Variants in INPP5D observed in about 807,000 individuals in gnomAD.
INPP5D encodes inositol polyphosphate-5-phosphatase D.
A neutral mutation model predicts 122.9 loss-of-function variants in INPP5D; 33 were observed. The observed-to-expected ratio is 0.27, with a 90% CI of 0.20 to 0.36. INPP5D has a LOEUF of 0.36. INPP5D is among the 10% of genes least tolerant of loss of function. The pLI is 1.00. For missense variants in INPP5D, 1,053 were observed against 1,412.7 expected, an observed-to-expected ratio of 0.75 and a Z score of 4.08; for synonymous variants, 584 against 576.2, an observed-to-expected ratio of 1.01 and a Z score of -0.19.
chr2:233,102,344 G>A (rs1692337107), intron 2 of INPP5D, among the ~76,000 whole-genome samples: 1 of 152,146 alleles, frequency 6.6e-6, no homozygotes, highest in Non-Finnish European at 1.5e-5. Flanking sequence ...GCCTTTGAAG[G>A]GGTGTTTCCC....
chr2:233,083,283 G>T (rs1280234293), intron 2 of INPP5D, among the ~76,000 whole-genome samples: 4 of 152,158 alleles, frequency 2.6e-5, no homozygotes, highest in Non-Finnish European at 4.4e-5. Flanking sequence ...TGCTGGGAGT[G>T]GTGGGGAAGG....
At chr2:233,152,394 A>G (rs1349945679) in intron 9 of INPP5D, among the ~76,000 whole-genome samples, 21 of 152,164 alleles carry the variant, frequency 1.4e-4, no homozygotes, top group Admixed American at 1.4e-3. Context: ...TAAAATATTC[A>G]TGCTCCGAGC....
chr2:233,156,175 C>T (rs969229844), intron 9 of INPP5D, among the ~76,000 whole-genome samples: 4 of 152,236 alleles, frequency 2.6e-5, no homozygotes, highest in Admixed American at 6.5e-5. Context: ...GGCATAGTTC[C>T]AAGACAGGAG....
In INPP5D at chr2:233,082,830, T is replaced by C. The variant is rs1691725847; in HGVS notation, c.198+3432T>C. On this transcript the variant is annotated intron_variant, in intron 2 of 26. Transcript: ENST00000445964. The surrounding 1 kb of genome is among the most constrained non-coding windows in gnomAD (Gnocchi z 4.7). ...TGAGTGTTGCTGAGAACTGCGGAAG[T>C]TGGAACTCACAGCCAGGCCTCCCGG... is the stretch of plus-strand genomic sequence containing the variant. Among the ~76,000 whole-genome samples the C allele has an allele frequency of 6.6e-6, 1 of 152,208 alleles. No individual in the cohort carries two copies. The highest frequency in any genetic ancestry group is 2.1e-4 in the South Asian group (1 of 4,826).
chr2:233,133,251 AT>A (rs1369965701), intron 5 of INPP5D, among the ~76,000 whole-genome samples: 2 of 152,148 alleles, frequency 1.3e-5, no homozygotes, highest in African/African-American at 4.8e-5. Flanking sequence ...ATTTTAGTAA[AT>A]GTCATGGTAA....
chr2:233,063,896 G>C (rs568994223), intron 1 of INPP5D, among the ~76,000 whole-genome samples: 1 of 152,286 alleles, frequency 6.6e-6, no homozygotes, highest in African/African-American at 2.4e-5. Context: ...GCCTCCAGGG[G>C]ACGTTGGGTA....
chr2:233,181,220 T>G (rs62192879), intron 18 of INPP5D, among the ~76,000 whole-genome samples: 22,070 of 136,920 alleles, frequency 0.16, 1,791 homozygotes, highest in Middle Eastern at 0.22. Flanking sequence ...CTTTTCATGT[T>G]TATTAGCCAT....
chr2:233,133,933 A>T (rs1192076988), intron 5 of INPP5D: 1 of 455,974 alleles, frequency 2.2e-6, no homozygotes, highest in African/African-American at 2.0e-5. Flanking sequence ...GCTCTGGCAC[A>T]TGCGGCTCAA....
At position 233,122,307 on chromosome 2, in the gene INPP5D, T is replaced by TACAA. The variant is rs569330642; in HGVS notation, c.349+50_349+51insACAA. 7.5e-4 allele frequency: 1,185 copies of TACAA among 1,580,384 alleles called. 9 individuals carry two copies. In the African/African-American group the frequency reaches 0.015, roughly 19 times the overall value. On this transcript the variant is annotated intron_variant, in intron 3 of 26. Coordinates refer to ENST00000445964, the MANE Select transcript of INPP5D (RefSeq NM_001017915.3). Reference sequence around the variant, plus strand: ...AGGAGGTACTTTTGGGAACTTGCCCTGCACCCACCTTGAGTGCTTGTAGAC... The same window carrying TACAA: ...AGGAGGTACTTTTGGGAACTTGCCCTACAAGCACCCACCTTGAGTGCTTGTAGAC...
intron 5 of INPP5D, chr2:233,133,897 C>G: frequency 4.5e-6 from 2 of 445,848 alleles, no homozygotes; most frequent in Non-Finnish European, 9.1e-6. Flanking sequence ...TGTTTTGCTT[C>G]CTGCTGAGTC....
intron 26 of INPP5D, 135 bp downstream of exon 26, chr2:233,204,852 G>A: frequency 7.6e-7 from 1 of 1,314,794 alleles, no homozygotes; most frequent in Non-Finnish European, 1.0e-6. Flanking sequence ...GTGAACGCAT[G>A]CATGTGCACA....
intron 2 of INPP5D, among the ~76,000 whole-genome samples, chr2:233,090,561 C>T (rs935735261): frequency 1.3e-5 from 2 of 152,136 alleles, no homozygotes; most frequent in Non-Finnish European, 2.9e-5. Flanking sequence ...TATGAAGACC[C>T]TAAAAAGAGT....
Position 233,105,083 on chromosome 2 carries a change from C to G in INPP5D, c.199-17024C>G, listed in dbSNP as rs1692429237. On this transcript the variant is annotated intron_variant, in intron 2 of 26. Coordinates refer to ENST00000445964, the MANE Select transcript of INPP5D (RefSeq NM_001017915.3). The surrounding 1 kb of genome is among the most constrained non-coding windows in gnomAD (Gnocchi z 4.0). The stretch of plus-strand genomic sequence containing the variant: ...GTAGGGATAGGGAATGTGGACCTCC[C>G]GGGTTTCTCCTGGATTTCCCCATAG... Among the ~76,000 whole-genome samples, 1 of 152,154 alleles carries G rather than the reference C, an allele frequency of 6.6e-6. No homozygotes were observed. The highest frequency in any genetic ancestry group is 2.4e-5 in the African/African-American group (1 of 41,428).
rs1407413931 is a variant in INPP5D, at chr2:233,074,987, C to T, written c.135-4348C>T. On this transcript the variant is annotated intron_variant, in intron 1 of 26. Coordinates refer to ENST00000445964, the MANE Select transcript of INPP5D (RefSeq NM_001017915.3). ...AACACGATGATGTTTCTTCCTACTT[C>T]CACGGGCTTGTCCTCCCATATTAGA... 2.0e-5 allele frequency among the ~76,000 whole-genome samples: 3 copies of T among 152,184 alleles called. No individual in the cohort carries two copies. In the East Asian group the frequency reaches 5.8e-4, roughly 29 times the overall value.
chr2:233,065,793 C>T (rs1691206901), intron 1 of INPP5D, among the ~76,000 whole-genome samples: 1 of 151,600 alleles, frequency 6.6e-6, no homozygotes, highest in Non-Finnish European at 1.5e-5. Flanking sequence ...ATTACAGGTA[C>T]CCACCACCAT....
intron 10 of INPP5D, 72 bp downstream of exon 10, chr2:233,158,491 G>T: frequency 1.6e-6 from 1 of 628,386 alleles, no homozygotes; most frequent in Non-Finnish European, 2.9e-6. Context: ...GGCTCGCTGT[G>T]TGCCAGGGAG....
chr2:233,191,722 G>C (rs2106321528), intron 22 of INPP5D, among the ~76,000 whole-genome samples: 1 of 152,316 alleles, frequency 6.6e-6, no homozygotes, highest in East Asian at 1.9e-4. Context: ...GGTGACATCA[G>C]ACCTCAGCAC....
At chr2:233,167,229 G>GAAA (rs1694366923) in intron 13 of INPP5D, among the ~76,000 whole-genome samples, 6 of 140,534 alleles carry the variant, frequency 4.3e-5, no homozygotes, top group Non-Finnish European at 9.3e-5. Flanking sequence ...AAAAAAAAAT[G>GAAA]GCATAGTAGT....
At chr2:233,113,245 A>G (rs1692680491) in intron 2 of INPP5D, among the ~76,000 whole-genome samples, 1 of 151,928 alleles carries the variant, frequency 6.6e-6, no homozygotes, top group African/African-American at 2.4e-5. Context: ...GGCCCTCGTC[A>G]TGTCCTTATC....
Sources: gnomAD v4.1 joint callset for allele counts (sites outside exome capture counted in the v4.1 genomes callset) on GRCh38, gnomAD v4.1.1 for gene constraint, Gnocchi (gnomAD v3.1) non-coding constraint, MANE v1.5 for transcripts, NCBI Gene and HGNC (gene_info 2026-07-23, HGNC 2026-07-21) for gene names.